Variants in ZNF630 observed in about 807,000 individuals in gnomAD.
ZNF630 encodes the protein dJ54B20.2 (novel KRAB box containing C2H2 type zinc finger protein).
A neutral mutation model predicts 7.2 loss-of-function variants in ZNF630; 5 were observed. The observed-to-expected ratio is 0.70, with a 90% CI of 0.36 to 1.46. ZNF630 has a LOEUF of 1.46. Ranked by LOEUF, ZNF630 falls within the 40% of genes most tolerant of loss-of-function variation. The pLI, the probability that ZNF630 is intolerant of heterozygous loss-of-function variation, is 0.03. For missense variants in ZNF630, 461 were observed against 477.0 expected, an observed-to-expected ratio of 0.97 and a Z score of 0.31; for synonymous variants, 158 against 162.8, an observed-to-expected ratio of 0.97 and a Z score of 0.23.
chrX:48,070,691 C>T (rs2059156479), intron 1 of ZNF630, among the ~76,000 whole-genome samples: 1 of 106,221 alleles, frequency 9.4e-6, no homozygotes, highest in South Asian at 4.2e-4. Context: ...GAACAAAAGA[C>T]AGGCCCCTCA....
chrX:48,060,101 G>A lies in ZNF630; in HGVS notation c.341C>T (p.Ser114Phe), dbSNP rs782234216. 8.4e-7 allele frequency: 1 copy of A among 1,188,192 alleles called. No individual in the cohort carries two copies. The highest frequency in any genetic ancestry group is 1.8e-5 in the South Asian group (1 of 54,752). Residue 114 changes from serine (S) to phenylalanine (F), a missense_variant, in exon 5 of 5, where the codon TCT (serine) becomes TTT (phenylalanine). Physicochemically the swap from Ser to Phe is radical, Grantham distance 155 (BLOSUM62 -2). Transcript: ENST00000276054. ...ERAPKDNSLY[S>F]VLKIWHIDNQ... Reference sequence around the variant, plus strand: ...ATCAATATGCCAGATTTTTAAAACAGAGTACAATGAATTATCCTTTGGGGC... The same window carrying A: ...ATCAATATGCCAGATTTTTAAAACAAAGTACAATGAATTATCCTTTGGGGC...
rs782716898 is a variant in ZNF630 at position 48,058,521 on chromosome X, A to G, written c.1921T>C (p.Tyr641His). ...TATGGATTCTGATGCCCAGTAAAGT[A>G]TACATGCTGGCAGAATGCCTTCCCA... ...DCGKAFCQHV[Y>H]FTGHQNPYRK... The change falls in exon 5 of 5, where the codon TAC becomes CAC. Residue 641 changes from tyrosine to histidine, a missense_variant. Tyr to His is a moderately conservative substitution (Grantham distance 83). Coordinates refer to ENST00000276054, the MANE Select transcript of ZNF630 (RefSeq NM_001282201.2). 6 of 1,203,069 alleles carry G rather than the reference A, an allele frequency of 5.0e-6. No homozygotes were observed. In the Admixed American group the frequency reaches 1.3e-4, roughly 27 times the overall value.
chrX:48,067,240 A>G (rs1556910217), intron 1 of ZNF630, among the ~76,000 whole-genome samples, 179 bp from the exon 2 acceptor site: 1 of 112,223 alleles, frequency 8.9e-6, no homozygotes. Flanking sequence ...AGGAAACACC[A>G]CCAGCAAATG....
intron 1 of ZNF630, among the ~76,000 whole-genome samples, chrX:48,068,372 G>A (rs1251222699): frequency 9.0e-6 from 1 of 111,084 alleles, no homozygotes; most frequent in East Asian, 2.8e-4. Context: ...AACTTTTTCT[G>A]TAAAAGGGTC....
intron 2 of ZNF630, 133 bp from the exon 3 acceptor site, chrX:48,061,078 A>G: frequency 2.1e-6 from 1 of 482,802 alleles, no homozygotes; most frequent in Non-Finnish European, 3.2e-6. Flanking sequence ...GCCATTAGCA[A>G]GAATAGTTAG....
intron 4 of ZNF630, 44 bp downstream of exon 4, chrX:48,060,406 A>G: frequency 1.8e-6 from 2 of 1,117,418 alleles, no homozygotes; most frequent in Non-Finnish European, 2.4e-6. Flanking sequence ...GATGTCAAGG[A>G]AGAAGAAGAT....
Position 48,059,807 on chromosome X carries a change from G to C in ZNF630, c.635C>G (p.Pro212Arg), listed in dbSNP as rs781883675. Residue 212 changes from proline (P) to arginine (R), a missense_variant, in exon 5 of 5, where the codon CCA becomes CGA. Physicochemically the swap from Pro to Arg is moderately radical, Grantham distance 103 (BLOSUM62 -2). Coordinates refer to ENST00000276054, the MANE Select transcript of ZNF630 (RefSeq NM_001282201.2). ...NPTKRFRCGR[P>R]PKYNASCSVP... ...AGAACAGGAAGCATTATACTTAGGT[G>C]GTCTCCCACATCTAAATCTCTTAGT... The C allele has an allele frequency of 8.3e-7, 1 of 1,208,351 alleles. No homozygotes were observed.
In ZNF630 at chrX:48,059,669, G is replaced by T. The variant is rs1556908724; in HGVS notation, c.773C>A (p.Ala258Asp). 3 of 1,206,692 alleles carry T rather than the reference G, an allele frequency of 2.5e-6. No individual in the cohort carries two copies. Among genetic ancestry groups the T allele is most frequent in the Non-Finnish European group, 3.4e-6 (3 of 892,970 alleles). ...QAHVQYKKFQ[A>D]REKPNVCSMC... is the part of the protein sequence containing the mutation. ...ACTACAAACATTGGGTTTCTCTCTG[G>T]CTTGAAATTTCTTATACTGAACATG... The change falls in exon 5 of 5, where the codon GCC becomes GAC. Residue 258 changes from alanine to aspartate, a missense_variant. By Grantham distance (126) the Ala-to-Asp change is moderately radical. Transcript: ENST00000276054.
chrX:48,070,122 T>C (rs887315527), intron 1 of ZNF630, among the ~76,000 whole-genome samples: 3 of 107,210 alleles, frequency 2.8e-5, no homozygotes, highest in Non-Finnish European at 5.8e-5. Flanking sequence ...CCTCCCAAAG[T>C]GCTGGGATTA....
At chrX:48,065,096 A>C (rs2059123896) in intron 2 of ZNF630, among the ~76,000 whole-genome samples, 1 of 112,301 alleles carries the variant, frequency 8.9e-6, no homozygotes, top group Non-Finnish European at 1.9e-5. Context: ...AAGAAATAGA[A>C]AATCTGAATG....
intron 2 of ZNF630, among the ~76,000 whole-genome samples, chrX:48,063,562 T>G (rs12391785): frequency 0.061 from 6,759 of 110,854 alleles, 266 homozygotes; most frequent in African/African-American, 0.14. Flanking sequence ...AAACAATTTG[T>G]GGCCACATGT....
Position 48,060,105 on chromosome X carries a change from A to G in ZNF630, c.337T>C (p.Tyr113His). 2 of 1,186,213 alleles carry G rather than the reference A, an allele frequency of 1.7e-6. No homozygotes were observed. The highest frequency in any genetic ancestry group is 4.6e-4 in the Middle Eastern group (2 of 4,315). The change falls in exon 5 of 5, where the codon TAC (tyrosine) becomes CAC (histidine). Residue 113 changes from tyrosine to histidine, a missense_variant. Tyr to His is a moderately conservative substitution (Grantham distance 83, BLOSUM62 2). Transcript: ENST00000276054. The part of the protein sequence containing the change: ...LERAPKDNSL[Y>H]SVLKIWHIDN... ...ATATGCCAGATTTTTAAAACAGAGT[A>G]CAATGAATTATCCTTTGGGGCTCTT...
rs2059132887 is a variant in ZNF630, at chrX:48,066,722, T to C, written c.15+150A>G. The stretch of plus-strand genomic sequence containing the variant: ...ATAGTCAAAATTTTAGCTAAGTTTC[T>C]ATGAAGTAAGGCCAGGTGATCTGTG... On this transcript the variant is annotated intron_variant, in intron 2 of 4. Coordinates refer to ENST00000276054, the MANE Select transcript of ZNF630 (RefSeq NM_001282201.2). 4 of 691,052 alleles carry C rather than the reference T, an allele frequency of 5.8e-6. No homozygotes were observed. In the African/African-American group the frequency reaches 8.7e-5, roughly 15 times the overall value. The allele number at this position is 691,052 out of a possible 1,213,427, so 57.0% of individuals were successfully genotyped here.
At chrX:48,062,591 G>A (rs2059110420) in intron 2 of ZNF630, among the ~76,000 whole-genome samples, 1 of 111,508 alleles carries the variant, frequency 9.0e-6, no homozygotes, top group Non-Finnish European at 1.9e-5. Context: ...AAAATTAGCC[G>A]AGCATGGTGG....
At chrX:48,068,358 G>A (rs1479395038) in intron 1 of ZNF630, among the ~76,000 whole-genome samples, 2 of 111,071 alleles carry the variant, frequency 1.8e-5, no homozygotes, top group East Asian at 2.9e-4. Context: ...ATGAGGACTT[G>A]GCAAACTTTT....
At chrX:48,061,317 A>T (rs1182052686) in intron 2 of ZNF630, among the ~76,000 whole-genome samples, 1 of 111,473 alleles carries the variant, frequency 9.0e-6, no homozygotes, top group Admixed American at 9.5e-5. Flanking sequence ...GAGAGGTTTT[A>T]AAAAATAATC....
Position 48,060,514 on chromosome X carries a change from A to G in ZNF630, c.174T>C (p.Phe58=), listed in dbSNP as rs1556909015. Reference sequence around the variant, plus strand: ...ATGGGTCCTTTCCATGTTCCAACTTAAAGATTACATCTGGTTTTATACCTG... The same window carrying G: ...ATGGGTCCTTTCCATGTTCCAACTTGAAGATTACATCTGGTTTTATACCTG... ...GCSGIKPDVI[F]KLEHGKDPWI... Residue 58 remains phenylalanine, a synonymous_variant, in exon 4 of 5, where the codon TTT becomes TTC. Transcript: ENST00000276054. 2.5e-6 allele frequency: 3 copies of G among 1,204,790 alleles called. No individual in the cohort carries two copies. Among genetic ancestry groups the G allele is most frequent in the African/African-American group, 1.8e-5 (1 of 56,670 alleles).
rs199852662 is a variant in ZNF630, at chrX:48,068,166, A to AGAAG, written c.-175-1109_-175-1106dup. Reference sequence around the variant, plus strand: ...CAGGAAGGAAGGGAGGGAGGGAGGAAGAAGGAAGGAAGGAAGGAAGGAAGG... The same window carrying AGAAG: ...CAGGAAGGAAGGGAGGGAGGGAGGAAGAAGGAAGGAAGGAAGGAAGGAAGGAAGG... On this transcript the variant is annotated intron_variant, in intron 1 of 4. Coordinates refer to ENST00000276054, the MANE Select transcript of ZNF630 (RefSeq NM_001282201.2). Among the ~76,000 whole-genome samples, 69 of 84,477 alleles carry AGAAG rather than the reference A, an allele frequency of 8.2e-4. 1 individual carries two copies. Among genetic ancestry groups the AGAAG allele is most frequent in the African/African-American group, 2.6e-3 (56 of 21,365 alleles). The allele number at this position is 84,477 out of a possible 115,157, so 73.4% of individuals were successfully genotyped here. A position where few individuals can be genotyped will look rare whatever the true frequency, so the allele number is the denominator to read the frequency against.
chrX:48,066,627 A>C, intron 2 of ZNF630: 1 of 396,535 alleles, frequency 2.5e-6, no homozygotes, highest in Non-Finnish European at 4.4e-6. Flanking sequence ...TTTGTGGAGA[A>C]TGCAAATCAC....
Sources: gnomAD v4.1 joint callset for allele counts (sites outside exome capture counted in the v4.1 genomes callset) on GRCh38, gnomAD v4.1.1 for gene constraint, MANE v1.5 for transcripts, NCBI Gene and HGNC (gene_info 2026-07-23, HGNC 2026-07-21) for gene names.